Variants in EPHB2 observed in about 807,000 individuals in gnomAD.
EPHB2 encodes the protein EPH receptor B2, also known as ephrin type-B receptor 2.
In EPHB2, 18 loss-of-function variants were observed where a neutral mutation model predicts 96.4. The ratio of observed to expected loss-of-function variants is 0.19; its 90% CI spans 0.13 to 0.28. The LOEUF is 0.28. EPHB2 is among the 10% of genes least tolerant of loss of function. The probability of loss-of-function intolerance (pLI) is 1.00; values close to 1 mark genes in which losing one functional copy is unlikely to be tolerated. For missense variants in EPHB2, 989 were observed against 1,355.4 expected (o/e 0.73, Z 4.25); for synonymous variants, 506 against 534.1 (o/e 0.95, Z 0.72).
At chr1:22,741,640 C>A (rs796653908) in intron 1 of EPHB2, among the ~76,000 whole-genome samples, 37 of 136,222 alleles carry the variant, frequency 2.7e-4, no homozygotes, top group African/African-American at 9.7e-4. Flanking sequence ...TCAGGGAAGG[C>A]GGGTTATATT....
At chr1:22,833,514 T>G (rs982114306) in intron 3 of EPHB2, among the ~76,000 whole-genome samples, 6 of 152,116 alleles carry the variant, frequency 3.9e-5, no homozygotes, top group Non-Finnish European at 8.8e-5. Context: ...ATACTAAAAT[T>G]GTTTGGGAGG....
At chr1:22,852,770 G>T (rs1471293099) in intron 3 of EPHB2, among the ~76,000 whole-genome samples, 3 of 152,242 alleles carry the variant, frequency 2.0e-5, no homozygotes, top group South Asian at 2.1e-4. Flanking sequence ...GGGGCCAGGG[G>T]ACCTTGCAGC....
intron 5 of EPHB2, among the ~76,000 whole-genome samples, chr1:22,867,673 A>G (rs538169451): frequency 7.9e-5 from 12 of 152,258 alleles, no homozygotes; most frequent in African/African-American, 2.6e-4. Flanking sequence ...GGAGTTCAAG[A>G]CCAGCCTGGA....
chr1:22,748,702 T>A (rs6426766), intron 1 of EPHB2, among the ~76,000 whole-genome samples: 9,300 of 151,150 alleles, frequency 0.062, 813 homozygotes, highest in African/African-American at 0.19. Flanking sequence ...TTTACAAAAA[T>A]TTGATTCTAA....
At chr1:22,748,872 T>C (rs1644016808) in intron 1 of EPHB2, among the ~76,000 whole-genome samples, 1 of 149,122 alleles carries the variant, frequency 6.7e-6, no homozygotes, top group African/African-American at 2.5e-5. Context: ...TTGAAAGTAA[T>C]GGCAAAAACC....
chr1:22,729,948 A>C (rs1270923924), intron 1 of EPHB2, among the ~76,000 whole-genome samples: 2 of 152,204 alleles, frequency 1.3e-5, no homozygotes, highest in African/African-American at 4.8e-5. Context: ...GACTGAAAGG[A>C]GGATATGCTT....
rs76055076 is a variant in EPHB2, at chr1:22,792,813, C to T, written c.811+7737C>T. Among the ~76,000 whole-genome samples the T allele has an allele frequency of 1.5e-3, 223 of 152,314 alleles. 8 individuals are homozygous for T. In the East Asian group the frequency reaches 0.034, roughly 23 times the overall value. On this transcript the variant is annotated intron_variant, in intron 3 of 15. Transcript: ENST00000374630. ...AGCCTAGAGATGGTGACAGATACAT[C>T]TACAGACAGTGAAGGTGCAGGGGGA...
intron 3 of EPHB2, among the ~76,000 whole-genome samples, chr1:22,827,719 T>G (rs1398340676): frequency 1.3e-5 from 2 of 152,036 alleles, no homozygotes; most frequent in African/African-American, 4.8e-5. Context: ...GAGCCCAGAG[T>G]GCTTTACACA....
Position 22,733,053 on chromosome 1 carries a change from C to CT in EPHB2, c.61+22013dup, listed in dbSNP as rs1229583020. Among the ~76,000 whole-genome samples, 6 of 151,964 alleles carry CT rather than the reference C, an allele frequency of 3.9e-5. No individual in the cohort carries two copies. The highest frequency in any genetic ancestry group is 1.4e-4 in the African/African-American group (6 of 41,382). The stretch of plus-strand genomic sequence containing the variant: ...CCTCCTAGGCTGCCTTTCTTTCTTT[C>CT]TTTCTTTCTTTTTTTTTGGAGTTTC... On this transcript the variant is annotated intron_variant, in intron 1 of 15. Coordinates refer to ENST00000374630, the MANE Select transcript of EPHB2 (RefSeq NM_017449.5). The surrounding 1 kb of genome is among the most constrained non-coding windows in gnomAD (Gnocchi z 4.6).
intron 3 of EPHB2, among the ~76,000 whole-genome samples, chr1:22,818,651 C>T (rs2148470817): frequency 6.6e-6 from 1 of 152,250 alleles, no homozygotes; most frequent in Admixed American, 6.5e-5. Context: ...CTGGGATGTG[C>T]TGAGTCCTAC....
chr1:22,863,329 A>C, intron 4 of EPHB2, 137 bp downstream of exon 4: 3 of 1,431,530 alleles, frequency 2.1e-6, no homozygotes, highest in East Asian at 2.5e-5. Flanking sequence ...AAAAGTGCTC[A>C]AGAAAGGGGC....
At chr1:22,762,133 A>C (rs932937420) in intron 1 of EPHB2, among the ~76,000 whole-genome samples, 8 of 152,178 alleles carry the variant, frequency 5.3e-5, no homozygotes, top group Admixed American at 3.9e-4. Context: ...ACCCGGAGTC[A>C]TCTGAGGCGA....
intron 1 of EPHB2, among the ~76,000 whole-genome samples, chr1:22,763,182 A>G (rs933118243): frequency 4.6e-5 from 7 of 152,218 alleles, no homozygotes; most frequent in African/African-American, 1.4e-4. Context: ...AACCTGGGCT[A>G]CATCCTGCGG....
chr1:22,754,899 G>T (rs1430238222), intron 1 of EPHB2, among the ~76,000 whole-genome samples: 2 of 47,214 alleles, frequency 4.2e-5, no homozygotes, highest in Non-Finnish European at 4.6e-5. Flanking sequence ...GAGGGGCAGA[G>T]GAGGTGAGGC....
chr1:22,894,643 T>C (rs1253236692), intron 7 of EPHB2, among the ~76,000 whole-genome samples: 1 of 151,184 alleles, frequency 6.6e-6, no homozygotes, highest in African/African-American at 2.4e-5. Context: ...AAATCAATGA[T>C]AGTGTTAATG....
At chr1:22,803,681 ATG>A (rs57922301) in intron 3 of EPHB2, among the ~76,000 whole-genome samples, 4 of 125,020 alleles carry the variant, frequency 3.2e-5, no homozygotes, top group Non-Finnish European at 5.3e-5. Flanking sequence ...GTGTGTATAT[ATG>A]TATATATATG....
At chr1:22,865,673 A>T (rs1174455104) in intron 5 of EPHB2, among the ~76,000 whole-genome samples, 1 of 152,206 alleles carries the variant, frequency 6.6e-6, no homozygotes, top group African/African-American at 2.4e-5. Context: ...AAGACAGGGC[A>T]GCAATGATGT....
In EPHB2 at chr1:22,784,242, A is replaced by G. The variant is rs991709440; in HGVS notation, c.127-150A>G. On this transcript the variant is annotated intron_variant, in intron 2 of 15. Transcript: ENST00000374630. This position sits in a 1 kb window ranked among gnomAD's most constrained non-coding sequence, Gnocchi z 5.1. ...TGTGTGCCTTTCCCACCTGATTGGC[A>G]TGTCTCCCCCATCAGATTGGGAATT... 41 of 740,910 alleles carry G rather than the reference A, an allele frequency of 5.5e-5. No homozygotes were observed. Among genetic ancestry groups the G allele is most frequent in the Admixed American group, 1.2e-4 (6 of 48,792 alleles). The allele number at this position is 740,910 out of a possible 1,614,324, so 45.9% of individuals were successfully genotyped here. A position where few individuals can be genotyped will look rare whatever the true frequency, so the allele number is the denominator to read the frequency against.
At position 22,741,638 on chromosome 1, in the gene EPHB2, G is replaced by A. The variant is rs921737718; in HGVS notation, c.61+30595G>A. ...GAATGAGGTCTAAAAGCTCAGGGAAGGCGGGTTATATTTGCCTTGACAGCC... is the reference window on the plus strand; with the variant it reads ...GAATGAGGTCTAAAAGCTCAGGGAAAGCGGGTTATATTTGCCTTGACAGCC... On this transcript the variant is annotated intron_variant, in intron 1 of 15. Transcript: ENST00000374630. Among the ~76,000 whole-genome samples the A allele has an allele frequency of 8.7e-5, 12 of 138,196 alleles. 1 individual carries two copies. Among genetic ancestry groups the A allele is most frequent in the Admixed American group, 7.4e-4 (9 of 12,140 alleles). The allele number at this position is 138,196 out of a possible 152,430, so 90.7% of individuals were successfully genotyped here.
Sources: allele counts gnomAD v4.1 joint callset (sites outside exome capture counted in the v4.1 genomes callset), GRCh38; gene constraint gnomAD v4.1.1; non-coding constraint Gnocchi (gnomAD v3.1); transcripts MANE v1.5; gene names NCBI Gene and HGNC (gene_info 2026-07-23, HGNC 2026-07-21).